MAGI1: variants seen among roughly 807,000 people sequenced by gnomAD.
The protein encoded by MAGI1 is membrane-associated guanylate kinase, WW and PDZ domain-containing protein 1.
Under a neutral mutation model 139.9 loss-of-function variants are expected in MAGI1, and 58 were observed. The observed-to-expected ratio is 0.41, with a 90% confidence interval of 0.34 to 0.52. The LOEUF (loss-of-function observed/expected upper bound fraction) is 0.52, where lower values mean the gene tolerates loss of function less well. Ranked by LOEUF, MAGI1 falls within the 20% of genes least tolerant of loss-of-function variation. The pLI, the probability that MAGI1 is intolerant of heterozygous loss-of-function variation, is 0.12. For synonymous variants in MAGI1, 812 were observed against 737.9 expected, an observed-to-expected ratio of 1.10 and a Z score of -1.63; for missense variants, 1,874 against 1,901.6, an observed-to-expected ratio of 0.99 and a Z score of 0.27.
At chr3:65,717,308 A>C (rs1465615123) in intron 1 of MAGI1, among the ~76,000 whole-genome samples, 2 of 152,182 alleles carry the variant, frequency 1.3e-5, no homozygotes, top group Non-Finnish European at 2.9e-5. Flanking sequence ...ATACCTGAAA[A>C]CATGTCTGAT....
chr3:65,537,247 C>G (rs1440712446), intron 2 of MAGI1, among the ~76,000 whole-genome samples: 2 of 152,100 alleles, frequency 1.3e-5, no homozygotes, highest in Admixed American at 6.5e-5. Context: ...ATTACCTCTC[C>G]CTATGAGATC....
chr3:66,007,999 C>A (rs1368547790), intron 1 of MAGI1, among the ~76,000 whole-genome samples: 3 of 150,986 alleles, frequency 2.0e-5, no homozygotes, highest in Non-Finnish European at 4.4e-5. Flanking sequence ...CAGGTTCAAG[C>A]GATTCTCTTG....
chr3:65,388,642 GTCTCA>G (rs975854393), intron 14 of MAGI1, among the ~76,000 whole-genome samples: 7 of 151,996 alleles, frequency 4.6e-5, no homozygotes, highest in African/African-American at 1.5e-4. Flanking sequence ...CCAGGGGGAG[GTCTCA>G]TCATTATCCT....
At chr3:65,840,137 T>G (rs994996875) in intron 1 of MAGI1, among the ~76,000 whole-genome samples, 10 of 134,116 alleles carry the variant, frequency 7.5e-5, no homozygotes, top group Non-Finnish European at 1.4e-4. Context: ...AACTCCTTTA[T>G]TAGTTCTAAG....
intron 1 of MAGI1, among the ~76,000 whole-genome samples, chr3:65,849,347 C>T (rs981134300): frequency 1.3e-5 from 2 of 151,716 alleles, no homozygotes; most frequent in African/African-American, 4.8e-5. Flanking sequence ...TTCCCTTCTG[C>T]ACAAACACCA....
At chr3:65,818,089 T>G (rs2041725206) in intron 1 of MAGI1, among the ~76,000 whole-genome samples, 1 of 151,830 alleles carries the variant, frequency 6.6e-6, no homozygotes, top group Admixed American at 6.6e-5. Context: ...TGACTTTCCT[T>G]TGTTAAAGAG....
At chr3:65,867,236 G>A (rs2059760741) in intron 1 of MAGI1, among the ~76,000 whole-genome samples, 1 of 152,204 alleles carries the variant, frequency 6.6e-6, no homozygotes, top group East Asian at 1.9e-4. Context: ...CTGGCCACCA[G>A]TTTGCAACCC....
chr3:65,802,336 G>A (rs1033006237), intron 1 of MAGI1, among the ~76,000 whole-genome samples: 1 of 152,150 alleles, frequency 6.6e-6, no homozygotes, highest in African/African-American at 2.4e-5. Context: ...AATTCTATTT[G>A]ATGGGAGGGA....
chr3:65,577,937 CTCTT>C (rs1432367698), intron 2 of MAGI1, among the ~76,000 whole-genome samples: 1 of 152,198 alleles, frequency 6.6e-6, no homozygotes, highest in African/African-American at 2.4e-5. Context: ...GTCTCTGTCT[CTCTT>C]TCTCTCTCTC....
chr3:65,597,617 C>A (rs369263752), intron 2 of MAGI1: 1 of 448,626 alleles, frequency 2.2e-6, no homozygotes, highest in African/African-American at 2.0e-5. Flanking sequence ...CCCCTCCTCC[C>A]TGGTCCACAC....
intron 18 of MAGI1, among the ~76,000 whole-genome samples, chr3:65,370,893 G>A (rs192602862): frequency 5.9e-5 from 9 of 152,244 alleles, no homozygotes; most frequent in Non-Finnish European, 1.2e-4. Flanking sequence ...CTGAGCTCAA[G>A]TGATCCTCCT....
At chr3:65,983,312 T>G (rs570933414) in intron 1 of MAGI1, among the ~76,000 whole-genome samples, 4 of 152,250 alleles carry the variant, frequency 2.6e-5, no homozygotes, top group Non-Finnish European at 5.9e-5. Context: ...AACCAATGTT[T>G]AGTAGTGCTC....
At chr3:65,504,191 T>C (rs1377398094) in intron 2 of MAGI1, among the ~76,000 whole-genome samples, 2 of 152,208 alleles carry the variant, frequency 1.3e-5, no homozygotes, top group Non-Finnish European at 2.9e-5. Context: ...GCACTCAATG[T>C]CCTTATCTGT....
At chr3:65,415,152 C>T (rs965492419) in intron 12 of MAGI1, among the ~76,000 whole-genome samples, 12 of 152,138 alleles carry the variant, frequency 7.9e-5, no homozygotes, top group Middle Eastern at 3.4e-3. Context: ...ACTGAAGGAA[C>T]GTGCTGTCAC....
chr3:65,692,184 G>T (rs970562448), intron 1 of MAGI1, among the ~76,000 whole-genome samples: 1 of 152,002 alleles, frequency 6.6e-6, no homozygotes, highest in African/African-American at 2.4e-5. Flanking sequence ...AGAACTCAAG[G>T]AATAAGCATC....
intron 1 of MAGI1, among the ~76,000 whole-genome samples, chr3:65,949,472 T>A (rs1187641482): frequency 1.3e-5 from 2 of 152,242 alleles, no homozygotes; most frequent in African/African-American, 4.8e-5. Flanking sequence ...TGCTTCATTT[T>A]ACCAAGACTA....
At chr3:65,473,936 A>C (rs374763295) in intron 4 of MAGI1, among the ~76,000 whole-genome samples, 1 of 152,180 alleles carries the variant, frequency 6.6e-6, no homozygotes, top group Non-Finnish European at 1.5e-5. Context: ...TCACAGCCTT[A>C]GTCATGGTTT....
At chr3:65,722,471 CA>C (rs113723642) in intron 1 of MAGI1, among the ~76,000 whole-genome samples, 74 of 144,698 alleles carry the variant, frequency 5.1e-4, no homozygotes, top group Middle Eastern at 6.9e-3. Context: ...TTGTCTCTGC[CA>C]AAAAAAAAAA....
chr3:66,013,030 A>G (rs1368257488), intron 1 of MAGI1, among the ~76,000 whole-genome samples: 1 of 152,182 alleles, frequency 6.6e-6, no homozygotes, highest in African/African-American at 2.4e-5. Context: ...TTGTGTCTAA[A>G]TTTATGTTTG....
Sources: gnomAD v4.1 joint callset for allele counts (sites outside exome capture counted in the v4.1 genomes callset) on GRCh38, gnomAD v4.1.1 for gene constraint, MANE v1.5 for transcripts, NCBI Gene and HGNC (gene_info 2026-07-23, HGNC 2026-07-21) for gene names.